SRGAP2B: variants seen among roughly 807,000 people sequenced by gnomAD.
SRGAP2B encodes SLIT-ROBO Rho GTPase activating protein 2B.
Under a neutral mutation model 22.2 loss-of-function variants are expected in SRGAP2B, and 9 were observed. That is an observed-to-expected ratio of 0.41 (90% confidence interval 0.24 to 0.71). The LOEUF is 0.71. SRGAP2B is among the 30% of genes least tolerant of loss of function. The pLI is 0.35. For missense variants in SRGAP2B, 114 were observed against 235.8 expected (o/e 0.48, Z 3.38); for synonymous variants, 36 against 87.4 (o/e 0.41, Z 3.28).
chr1:145,058,164 T>G (rs1423857282), intron 2 of SRGAP2B, among the ~76,000 whole-genome samples: 1 of 149,578 alleles, frequency 6.7e-6, no homozygotes, highest in Non-Finnish European at 1.5e-5. Flanking sequence ...AGCACGTATC[T>G]TAATTTCTGA....
intron 7 of SRGAP2B, 56 bp downstream of exon 7, chr1:144,905,035 G>A (rs1207474973): frequency 3.5e-5 from 25 of 718,280 alleles, no homozygotes; most frequent in Middle Eastern, 2.3e-4. Context: ...AATGTCTGAC[G>A]AGTATTCTGA....
At chr1:145,061,995 G>GT (rs1210938914) in intron 2 of SRGAP2B, among the ~76,000 whole-genome samples, 1 of 109,838 alleles carries the variant, frequency 9.1e-6, no homozygotes, top group Non-Finnish European at 1.9e-5. Context: ...CTTGAGAACA[G>GT]TTTTGTCTTC....
intron 1 of SRGAP2B, among the ~76,000 whole-genome samples, chr1:145,093,995 C>A (rs1376230416): frequency 1.4e-5 from 2 of 147,992 alleles, no homozygotes; most frequent in East Asian, 3.9e-4. Flanking sequence ...CTGCTCGGCA[C>A]GGGACACATC....
At chr1:145,044,691 A>AAC in intron 2 of SRGAP2B, among the ~76,000 whole-genome samples, 1 of 134,912 alleles carries the variant, frequency 7.4e-6, no homozygotes, top group African/African-American at 2.9e-5. Context: ...AAAAAAAAAA[A>AAC]AAAAAAAAAC....
At position 144,974,861 on chromosome 1, in the gene SRGAP2B, A is replaced by AGATGCT. The variant is rs372772776; in HGVS notation, c.261-19266_261-19261dup. Among the ~76,000 whole-genome samples, 300 of 148,520 alleles carry AGATGCT rather than the reference A, an allele frequency of 2.0e-3. 7 individuals are homozygous for AGATGCT. The highest frequency in any genetic ancestry group is 4.6e-3 in the African/African-American group (176 of 38,376). On this transcript the variant is annotated intron_variant, in intron 3 of 9. Coordinates refer to ENST00000612199, the Ensembl canonical transcript of SRGAP2B. ...AGACAATCATGGCCTACAGCTGAGC[A>AGATGCT]GATGCTGATGCTGATGCTGATGCTG... is the stretch of plus-strand genomic sequence containing the variant.
At chr1:144,988,999 C>CTTTTTTTT (rs3062880) in intron 3 of SRGAP2B, among the ~76,000 whole-genome samples, 2 of 55,076 alleles carry the variant, frequency 3.6e-5, no homozygotes, top group Non-Finnish European at 6.0e-5. Context: ...ACTCCCCCCA[C>CTTTTTTTT]TTTTTTTTTT....
At chr1:145,080,273 C>T (rs1652807473) in intron 2 of SRGAP2B, among the ~76,000 whole-genome samples, 1 of 148,418 alleles carries the variant, frequency 6.7e-6, no homozygotes, top group African/African-American at 2.6e-5. Flanking sequence ...CCTGTAGGCC[C>T]ATCAAGTAAC....
At chr1:144,950,776 GA>G (rs1229625681) in intron 4 of SRGAP2B, among the ~76,000 whole-genome samples, 3 of 150,568 alleles carry the variant, frequency 2.0e-5, no homozygotes, top group Non-Finnish European at 2.9e-5. Context: ...GTATGTAGAT[GA>G]AAATGTTGGA....
chr1:144,967,548 C>A (rs1553612508), intron 3 of SRGAP2B, among the ~76,000 whole-genome samples: 1 of 148,106 alleles, frequency 6.8e-6, no homozygotes, highest in Admixed American at 6.7e-5. Context: ...AGGAAAGATC[C>A]AAAATTGACA....
At chr1:145,070,056 G>A (rs1302579257) in intron 2 of SRGAP2B, among the ~76,000 whole-genome samples, 6 of 149,126 alleles carry the variant, frequency 4.0e-5, no homozygotes, top group Non-Finnish European at 8.9e-5. Context: ...TTTTTAAAGC[G>A]CTGATGGAAT....
At chr1:144,954,934 G>C (rs1431024629) in intron 4 of SRGAP2B, among the ~76,000 whole-genome samples, 1 of 150,272 alleles carries the variant, frequency 6.7e-6, no homozygotes, top group Non-Finnish European at 1.5e-5. Flanking sequence ...ACGTATATGA[G>C]TTTGCTAAAT....
At chr1:145,075,933 C>T in intron 2 of SRGAP2B, among the ~76,000 whole-genome samples, 1 of 149,738 alleles carries the variant, frequency 6.7e-6, no homozygotes, top group South Asian at 2.1e-4. Context: ...ACTGAAAATA[C>T]AAAAATTGGC....
chr1:144,941,031 A>G (rs1286996462), intron 4 of SRGAP2B, among the ~76,000 whole-genome samples: 7 of 149,980 alleles, frequency 4.7e-5, no homozygotes, highest in African/African-American at 1.8e-4. Flanking sequence ...AAAAGATTGG[A>G]AGGAAATACA....
intron 2 of SRGAP2B, among the ~76,000 whole-genome samples, chr1:145,001,882 G>C (rs199493461): frequency 6.7e-6 from 1 of 150,020 alleles, no homozygotes; most frequent in Non-Finnish European, 1.5e-5. Context: ...AGTTAGCTGG[G>C]GGGGTGGTGC....
At chr1:144,961,363 CCT>C (rs1444467909) in intron 3 of SRGAP2B, among the ~76,000 whole-genome samples, 11 of 152,036 alleles carry the variant, frequency 7.2e-5, no homozygotes, top group Admixed American at 2.0e-4. Context: ...GCTCCCATCC[CCT>C]GTCTCAGAAT....
chr1:145,093,988 C>G lies in SRGAP2B; in HGVS notation c.-542-545G>C, dbSNP rs1248543624. On this transcript the variant is annotated intron_variant, in intron 1 of 9. Transcript: ENST00000612199. ...GGGCAAATCTGCAGGAAAAAGCCTG[C>G]TCGGCACGGGACACATCCAGGAAAA... is the stretch of plus-strand genomic sequence containing the variant. Among the ~76,000 whole-genome samples, 8 of 148,598 alleles carry G rather than the reference C, an allele frequency of 5.4e-5. 1 individual carries two copies. Among genetic ancestry groups the G allele is most frequent in the Admixed American group, 2.0e-4 (3 of 15,056 alleles).
Position 145,076,197 on chromosome 1 carries a change from C to CT in SRGAP2B, c.67+16637dup, listed in dbSNP as rs1193481441. Among the ~76,000 whole-genome samples the CT allele has an allele frequency of 9.2e-4, 132 of 143,882 alleles. 2 individuals are homozygous for CT. Among genetic ancestry groups the CT allele is most frequent in the Non-Finnish European group, 1.1e-3 (71 of 65,362 alleles). The allele number at this position is 143,882 out of a possible 152,430, so 94.4% of individuals were successfully genotyped here. ...TGCCATTACAAAAAACTACCTCCAT[C>CT]TTTTTTTTTTTGTAGACAGGATCTC... On this transcript the variant is annotated intron_variant, in intron 2 of 9. Coordinates refer to ENST00000612199, the Ensembl canonical transcript of SRGAP2B.
intron 4 of SRGAP2B, among the ~76,000 whole-genome samples, chr1:144,944,518 C>T (rs1402194441): frequency 8.1e-6 from 1 of 123,962 alleles, no homozygotes; most frequent in Non-Finnish European, 1.6e-5. Context: ...GCCCAGGAGT[C>T]TGAGGGTAGG....
At chr1:144,920,807 C>T (rs1553604235) in intron 4 of SRGAP2B, among the ~76,000 whole-genome samples, 1 of 150,724 alleles carries the variant, frequency 6.6e-6, no homozygotes, top group Non-Finnish European at 1.5e-5. Flanking sequence ...AAAGTCTGTA[C>T]TTGAGGAATT....
Sources: gnomAD v4.1 joint callset for allele counts (sites outside exome capture counted in the v4.1 genomes callset) on GRCh38, gnomAD v4.1.1 for gene constraint, MANE v1.5 for transcripts, NCBI Gene and HGNC (gene_info 2026-07-23, HGNC 2026-07-21) for gene names.